The following KIAA1217 variants were observed in gnomAD, a reference collection of about 807,000 sequenced individuals.
KIAA1217 encodes the protein KIAA1217.
KIAA1217 carries 88 observed loss-of-function variants against 163.9 expected under a neutral mutation model. That is an observed-to-expected ratio of 0.54 (90% CI 0.45 to 0.64). KIAA1217 has a LOEUF of 0.64. KIAA1217 is among the 30% of genes least tolerant of loss of function. The pLI, the probability that KIAA1217 is intolerant of heterozygous loss-of-function variation, is 0.00. For synonymous variants in KIAA1217, 903 were observed against 923.1 expected (o/e 0.98, Z 0.39); for missense variants, 2,372 against 2,475.0 (o/e 0.96, Z 0.88).
rs770704918 is a variant in KIAA1217 at position 24,524,593 on chromosome 10, C to T, written c.2727C>T (p.Asn909=). 2 of 1,614,076 alleles carry T rather than the reference C, an allele frequency of 1.2e-6. No homozygotes were observed. The highest frequency in any genetic ancestry group is 2.7e-5 in the African/African-American group (2 of 75,076). Residue 909 remains asparagine, a synonymous_variant, in exon 13 of 21, where the codon AAC becomes AAT. Transcript: ENST00000376454. ...HSVALLNPAQ[N]LPHVASSPAV... is the part of the protein sequence containing the mutation. ...TGGCCCTGCTGAACCCTGCTCAGAA[C>T]TTGCCTCACGTGGCCAGCTCCCCAG... is the stretch of plus-strand genomic sequence containing the variant.
intron 2 of KIAA1217, among the ~76,000 whole-genome samples, chr10:24,064,692 A>G (rs1257731806): frequency 1.2e-4 from 18 of 152,016 alleles, no homozygotes; most frequent in Admixed American, 1.2e-3. Flanking sequence ...TTTTCTATTG[A>G]TTGGAATAGT....
intron 2 of KIAA1217, among the ~76,000 whole-genome samples, chr10:24,133,381 G>T (rs2063724090): frequency 6.6e-6 from 1 of 151,956 alleles, no homozygotes. Flanking sequence ...AGACCAACTT[G>T]GACAACATGG....
At chr10:24,424,823 G>A (rs917103549) in intron 3 of KIAA1217, among the ~76,000 whole-genome samples, 5 of 152,084 alleles carry the variant, frequency 3.3e-5, no homozygotes, top group Non-Finnish European at 5.9e-5. Flanking sequence ...GGATGATCTC[G>A]ATCTCCTGAC....
At chr10:23,745,467 A>G (rs998233347) in intron 1 of KIAA1217, among the ~76,000 whole-genome samples, 2 of 152,222 alleles carry the variant, frequency 1.3e-5, no homozygotes, top group Admixed American at 6.5e-5. Context: ...AATTGGTCGT[A>G]ACTTTTTCAT....
intron 2 of KIAA1217, among the ~76,000 whole-genome samples, chr10:24,294,872 C>A (rs1023781507): frequency 6.6e-6 from 1 of 152,146 alleles, no homozygotes; most frequent in Admixed American, 6.5e-5. Flanking sequence ...ATCACACATA[C>A]CCTGCCTGAA....
At chr10:24,542,583 G>T (rs761767899) in intron 17 of KIAA1217, 110 bp from the exon 18 acceptor site, 64 of 1,550,928 alleles carry the variant, frequency 4.1e-5, no homozygotes, top group Non-Finnish European at 5.4e-5. Flanking sequence ...TAAGAAATAT[G>T]CGTGGCCCGC....
intron 13 of KIAA1217, among the ~76,000 whole-genome samples, 165 bp from the exon 14 acceptor site, chr10:24,527,771 T>A (rs1275293898): frequency 6.6e-6 from 1 of 152,130 alleles, no homozygotes; most frequent in Non-Finnish European, 1.5e-5. Context: ...TCATATGGGT[T>A]TGTTGTGCAG....
At chr10:23,702,886 C>G (rs1425053846) in intron 1 of KIAA1217, among the ~76,000 whole-genome samples, 1 of 152,024 alleles carries the variant, frequency 6.6e-6, no homozygotes, top group Non-Finnish European at 1.5e-5. Context: ...TGCCACCTCG[C>G]CCGGTAATTT....
At chr10:24,534,147 T>C (rs2297325) in intron 16 of KIAA1217, among the ~76,000 whole-genome samples, 92,312 of 152,026 alleles carry the variant, frequency 0.61, 28,304 homozygotes, top group Middle Eastern at 0.66. Context: ...GTAGGGAGAA[T>C]TTTCAATCTA....
chr10:24,363,820 C>G (rs220340), intron 2 of KIAA1217, among the ~76,000 whole-genome samples: 1 of 151,952 alleles, frequency 6.6e-6, no homozygotes, highest in Non-Finnish European at 1.5e-5. Flanking sequence ...ACTCAGCCCA[C>G]CTTAGCCTCC....
At chr10:23,761,426 C>A (rs1212429283) in intron 1 of KIAA1217, among the ~76,000 whole-genome samples, 1 of 152,166 alleles carries the variant, frequency 6.6e-6, no homozygotes, top group Non-Finnish European at 1.5e-5. Context: ...AGTGCTTTAG[C>A]TGTGTCCCAG....
intron 2 of KIAA1217, among the ~76,000 whole-genome samples, chr10:24,371,820 C>T (rs2051693521): frequency 6.6e-6 from 1 of 152,196 alleles, no homozygotes; most frequent in South Asian, 2.1e-4. Flanking sequence ...GGGAAAGTTC[C>T]CTTCCTCTGA....
chr10:23,777,761 C>T (rs949044148), intron 1 of KIAA1217, among the ~76,000 whole-genome samples: 1 of 151,628 alleles, frequency 6.6e-6, no homozygotes, highest in Non-Finnish European at 1.5e-5. Flanking sequence ...CATATGTAGG[C>T]TCATGTGTTC....
chr10:24,520,392 T>TG, intron 11 of KIAA1217, 139 bp downstream of exon 11: 1 of 1,188,080 alleles, frequency 8.4e-7, no homozygotes, highest in Non-Finnish European at 1.2e-6. Context: ...TCTGGACACT[T>TG]GGGATACCCC....
chr10:24,280,298 G>T (rs1181119304), intron 2 of KIAA1217, among the ~76,000 whole-genome samples: 1 of 152,178 alleles, frequency 6.6e-6, no homozygotes, highest in East Asian at 1.9e-4. Flanking sequence ...AGGACAAAAG[G>T]CTAGAAGCCT....
At chr10:24,469,458 C>A (rs1203270659) in intron 5 of KIAA1217, among the ~76,000 whole-genome samples, 1 of 151,504 alleles carries the variant, frequency 6.6e-6, no homozygotes, top group South Asian at 2.1e-4. Context: ...TACACTCCTG[C>A]CAAAAAGAGG....
intron 6 of KIAA1217, among the ~76,000 whole-genome samples, chr10:24,483,540 TG>T (rs763291497): frequency 2.6e-5 from 4 of 152,132 alleles, no homozygotes; most frequent in Non-Finnish European, 4.4e-5. Flanking sequence ...ATATAGCAAA[TG>T]TTTTTTTCTT....
intron 11 of KIAA1217, among the ~76,000 whole-genome samples, chr10:24,520,524 G>A (rs941724748): frequency 6.7e-6 from 1 of 149,524 alleles, no homozygotes; most frequent in African/African-American, 2.5e-5. Context: ...ACAGTGCACC[G>A]GGATGCATGT....
chr10:24,354,511 C>T (rs1190054292), intron 2 of KIAA1217, among the ~76,000 whole-genome samples: 1 of 152,222 alleles, frequency 6.6e-6, no homozygotes, highest in Non-Finnish European at 1.5e-5. Flanking sequence ...GCTCAGTGCC[C>T]TCTTGGTATC....
Sources: allele counts gnomAD v4.1 joint callset (sites outside exome capture counted in the v4.1 genomes callset), GRCh38; gene constraint gnomAD v4.1.1; transcripts MANE v1.5; gene names NCBI Gene and HGNC (gene_info 2026-07-23, HGNC 2026-07-21).